Variants in SCYL2 observed in about 807,000 individuals in gnomAD.
The protein encoded by SCYL2 is SCY1 like pseudokinase 2.
In SCYL2, 36 loss-of-function variants were observed where a neutral mutation model predicts 100.4. The ratio of observed to expected loss-of-function variants is 0.36; its 90% confidence interval spans 0.27 to 0.47. The LOEUF is 0.47. Ranked by LOEUF, SCYL2 falls within the 20% of genes least tolerant of loss-of-function variation. The pLI is 1.00. For synonymous variants in SCYL2, 330 were observed against 359.2 expected, an observed-to-expected ratio of 0.92 and a Z score of 0.92; for missense variants, 902 against 1,083.9, an observed-to-expected ratio of 0.83 and a Z score of 2.36.
intron 13 of SCYL2, among the ~76,000 whole-genome samples, chr12:100,332,718 GT>G (rs375690956): frequency 0.018 from 2,522 of 140,000 alleles, 56 homozygotes; most frequent in African/African-American, 0.055. Flanking sequence ...TTTTATTTTT[GT>G]TTTTTTTTTT....
chr12:100,311,064 C>G lies in SCYL2; in HGVS notation c.501C>G (p.Phe167Leu). 1 of 1,574,306 alleles carries G rather than the reference C, an allele frequency of 6.4e-7. No individual in the cohort carries two copies. Among genetic ancestry groups the G allele is most frequent in the Non-Finnish European group, 8.6e-7 (1 of 1,163,404 alleles). Reference protein sequence around the residue: ...GLLQVSEGLSFLHSSVKMVHG... With the variant: ...GLLQVSEGLSLLHSSVKMVHG... ...TACAGGTTTCTGAAGGATTGTCATTCTTGCATAGCAGTGTGAAAATGGTGC... is the reference window on the plus strand; with the variant it reads ...TACAGGTTTCTGAAGGATTGTCATTGTTGCATAGCAGTGTGAAAATGGTGC... The change falls in exon 5 of 18, where the codon TTC (phenylalanine) becomes TTG (leucine). Residue 167 changes from phenylalanine to leucine, a missense_variant. Physicochemically the swap from Phe to Leu is conservative, Grantham distance 22 (BLOSUM62 0). Transcript: ENST00000360820.
chr12:100,273,690 C>T (rs1411905921), intron 1 of SCYL2, among the ~76,000 whole-genome samples: 2 of 152,192 alleles, frequency 1.3e-5, no homozygotes, highest in Non-Finnish European at 2.9e-5. Context: ...TCCTCCCTTA[C>T]ATATCTTGGC....
At position 100,335,793 on chromosome 12, in the gene SCYL2, G is replaced by A. The variant is rs763982064; in HGVS notation, c.1930-18G>A. The A allele has an allele frequency of 1.9e-6, 3 of 1,605,898 alleles. No homozygotes were observed. The East Asian group carries it at 6.7e-5, about 36-fold the overall frequency. ...TTTTATTGAACTTATTTAAATTATT[G>A]ACATTTTTCTATTTCAGCAAATTGA... On this transcript the variant is annotated intron_variant, in intron 15 of 17. Coordinates refer to ENST00000360820, the MANE Select transcript of SCYL2 (RefSeq NM_017988.6).
intron 4 of SCYL2, among the ~76,000 whole-genome samples, chr12:100,303,636 G>T (rs967473110): frequency 6.6e-6 from 1 of 152,168 alleles, no homozygotes; most frequent in African/African-American, 2.4e-5. Context: ...TGGAAGCTTT[G>T]TCCTAGAGAG....
intron 10 of SCYL2, among the ~76,000 whole-genome samples, chr12:100,318,767 G>C (rs1281255424): frequency 6.6e-6 from 1 of 152,210 alleles, no homozygotes; most frequent in African/African-American, 2.4e-5. Flanking sequence ...ACAGCAGGTA[G>C]ATGGAAAAGC....
chr12:100,314,710 C>G (rs2096346405), intron 8 of SCYL2, 96 bp downstream of exon 8: 2 of 1,245,922 alleles, frequency 1.6e-6, no homozygotes, highest in African/African-American at 3.1e-5. Context: ...AATAATATAA[C>G]TTTGCCTGAG....
chr12:100,318,649 A>G (rs2096352150), intron 10 of SCYL2, among the ~76,000 whole-genome samples: 1 of 152,134 alleles, frequency 6.6e-6, no homozygotes, highest in Non-Finnish European at 1.5e-5. Flanking sequence ...CCTTTTTCTC[A>G]TGAAAACATT....
At chr12:100,332,867 A>G (rs1952228648) in intron 13 of SCYL2, among the ~76,000 whole-genome samples, 1 of 151,806 alleles carries the variant, frequency 6.6e-6, no homozygotes, top group Admixed American at 6.6e-5. Flanking sequence ...GGCATGTACC[A>G]CCACTCCTGG....
intron 3 of SCYL2, among the ~76,000 whole-genome samples, chr12:100,294,728 T>C (rs61940540): frequency 0.66 from 67,246 of 102,608 alleles, 20,867 homozygotes; most frequent in East Asian, 0.94. Flanking sequence ...CCGGACGGGG[T>C]GGCTGGCCGG....
chr12:100,279,392 A>G (rs2096295847), intron 1 of SCYL2, among the ~76,000 whole-genome samples: 1 of 152,212 alleles, frequency 6.6e-6, no homozygotes, highest in Non-Finnish European at 1.5e-5. Flanking sequence ...CCCGGTTCCT[A>G]ATAGGCCGTG....
chr12:100,290,159 CTTT>C (rs540422938), intron 2 of SCYL2, among the ~76,000 whole-genome samples: 8 of 151,392 alleles, frequency 5.3e-5, no homozygotes, highest in African/African-American at 1.9e-4. Flanking sequence ...ATTATTTATT[CTTT>C]TTTTTTCTGT....
Position 100,311,137 on chromosome 12 carries a change from T to C in SCYL2, c.574T>C (p.Trp192Arg). 6.2e-7 allele frequency: 1 copy of C among 1,610,538 alleles called. No homozygotes were observed. Among genetic ancestry groups the C allele is most frequent in the Non-Finnish European group, 8.5e-7 (1 of 1,178,762 alleles). The part of the protein sequence containing the change: ...ENIILNKSGA[W>R]KIMGFDFCVS... The stretch of plus-strand genomic sequence containing the variant: ...TATAATTTTGAATAAAAGTGGAGCC[T>C]GGAAAATAATGGGTTTTGATTTTTG... The change falls in exon 5 of 18, where the codon TGG becomes CGG. Residue 192 changes from tryptophan to arginine, a missense_variant. Physicochemically the swap from Trp to Arg is moderately radical, Grantham distance 101. Coordinates refer to ENST00000360820, the MANE Select transcript of SCYL2 (RefSeq NM_017988.6).
intron 10 of SCYL2, chr12:100,319,186 T>C (rs1440501988): frequency 2.2e-6 from 1 of 455,772 alleles, no homozygotes; most frequent in Non-Finnish European, 4.4e-6. Flanking sequence ...TGTTCAAGGC[T>C]GTGAGGTTGA....
Position 100,267,400 on chromosome 12 carries a change from A to C in SCYL2, c.-421A>C, listed in dbSNP as rs2096279173. On this transcript the variant is annotated 5_prime_UTR_variant, in exon 1 of 18. Coordinates refer to ENST00000360820, the MANE Select transcript of SCYL2 (RefSeq NM_017988.6). ...CCCCTCCTGGAAGAAGGAAGAGGTAAGTGACCGGCCGCCGGCACCGACCGA... is the reference window on the plus strand; with the variant it reads ...CCCCTCCTGGAAGAAGGAAGAGGTACGTGACCGGCCGCCGGCACCGACCGA... 4.4e-6 allele frequency: 1 copy of C among 228,954 alleles called. No individual in the cohort carries two copies. Among genetic ancestry groups the C allele is most frequent in the Admixed American group, 5.7e-5 (1 of 17,408 alleles). 14.2% of individuals were successfully genotyped at this position (228,954 alleles called of 1,614,324 possible).
intron 4 of SCYL2, among the ~76,000 whole-genome samples, chr12:100,308,615 T>C (rs2096337785): frequency 6.6e-6 from 1 of 152,210 alleles, no homozygotes; most frequent in Non-Finnish European, 1.5e-5. Flanking sequence ...TCTGCACATG[T>C]ATCCCAGAAC....
Position 100,335,837 on chromosome 12 carries a change from T to C in SCYL2, c.1956T>C (p.Ile652=). 12 of 1,613,390 alleles carry C rather than the reference T, an allele frequency of 7.4e-6. No individual in the cohort carries two copies. Among genetic ancestry groups the C allele is most frequent in the Non-Finnish European group, 1.0e-5 (12 of 1,179,444 alleles). Residue 652 remains isoleucine (I), a synonymous_variant, in exon 16 of 18, where the codon ATT becomes ATC. Transcript: ENST00000360820. ...AAATTGACAAAGTTTTTAACAACAT[T>C]GGAGCAGACCTTCTGACTGGCAGTG... ...NQQIDKVFNN[I]GADLLTGSES...
At chr12:100,282,156 C>T (rs1244874588) in intron 1 of SCYL2, among the ~76,000 whole-genome samples, 4 of 151,972 alleles carry the variant, frequency 2.6e-5, no homozygotes, top group South Asian at 2.1e-4. Context: ...TCCCTAGTAG[C>T]TGGGATTGTG....
At chr12:100,304,428 C>G (rs924504106) in intron 4 of SCYL2, among the ~76,000 whole-genome samples, 1 of 152,100 alleles carries the variant, frequency 6.6e-6, no homozygotes, top group Non-Finnish European at 1.5e-5. Flanking sequence ...TTGCAAAGAC[C>G]GTGGGAAAAG....
intron 9 of SCYL2, among the ~76,000 whole-genome samples, chr12:100,317,062 C>T (rs933682088): frequency 9.2e-5 from 14 of 151,384 alleles, no homozygotes; most frequent in African/African-American, 3.2e-4. Context: ...CGCCACTGCG[C>T]TCCAGCCTGG....
Sources: allele counts gnomAD v4.1 joint callset (sites outside exome capture counted in the v4.1 genomes callset), GRCh38; gene constraint gnomAD v4.1.1; transcripts MANE v1.5; gene names NCBI Gene and HGNC (gene_info 2026-07-23, HGNC 2026-07-21).